Variants in SH3PXD2A observed in about 807,000 individuals in gnomAD.
SH3PXD2A encodes SH3 and PX domain-containing protein 2A.
SH3PXD2A carries 32 observed loss-of-function variants against 115.2 expected under a neutral mutation model. That is an observed-to-expected ratio of 0.28 (90% CI 0.21 to 0.37). The LOEUF (loss-of-function observed/expected upper bound fraction) is 0.37. Ranked by LOEUF, SH3PXD2A falls within the 10% of genes least tolerant of loss-of-function variation. The pLI is 1.00. For missense variants in SH3PXD2A, 1,328 were observed against 1,498.7 expected (o/e 0.89, Z 1.88); for synonymous variants, 610 against 629.1 (o/e 0.97, Z 0.45).
chr10:103,850,523 C>A (rs1413664571), intron 1 of SH3PXD2A, among the ~76,000 whole-genome samples: 2 of 152,202 alleles, frequency 1.3e-5, no homozygotes, highest in Non-Finnish European at 2.9e-5. Flanking sequence ...ATGTGTGGTG[C>A]TGACCTTGGG....
At chr10:103,742,021 C>T (rs112169230) in intron 3 of SH3PXD2A, among the ~76,000 whole-genome samples, 15,577 of 152,146 alleles carry the variant, frequency 0.1, 904 homozygotes, top group Non-Finnish European at 0.12. Context: ...TGGTGGCGCA[C>T]GCCTGTGATC....
In SH3PXD2A at chr10:103,603,023, G is replaced by T. The variant is rs751847787; in HGVS notation, c.2195C>A (p.Pro732His). ...SASDAGIRGT[P>H]KVRAKKDADA... ...AGCATCCTTCTTTGCCCTGACCTTG[G>T]GAGTGCCGCGGATGCCTGCGTCCGA... The change falls in exon 15 of 15, where the codon CCC (proline) becomes CAC (histidine). Residue 732 changes from proline to histidine, a missense_variant. By Grantham distance (77) the Pro-to-His change is moderately conservative. This residue lies in a region of SH3PXD2A where 574 missense variants were observed against 565.7 expected (regional missense o/e 1.01). Transcript: ENST00000369774. 11 of 1,614,022 alleles carry T rather than the reference G, an allele frequency of 6.8e-6. No individual in the cohort carries two copies. Among genetic ancestry groups the T allele is most frequent in the Non-Finnish European group, 9.3e-6 (11 of 1,180,066 alleles).
intron 3 of SH3PXD2A, among the ~76,000 whole-genome samples, chr10:103,742,151 CAA>C (rs1303120629): frequency 1.3e-5 from 2 of 152,134 alleles, no homozygotes; most frequent in African/African-American, 4.8e-5. Context: ...TGTCTCAAAT[CAA>C]ACAACAACCC....
At chr10:103,710,814 T>C (rs2038038305) in intron 5 of SH3PXD2A, among the ~76,000 whole-genome samples, 1 of 152,076 alleles carries the variant, frequency 6.6e-6, no homozygotes, top group Admixed American at 6.5e-5. Context: ...GGCAGGAGGA[T>C]GGCTTGAGTC....
intron 8 of SH3PXD2A, among the ~76,000 whole-genome samples, chr10:103,633,727 C>CAAAAAAAAAAA (rs35917262): frequency 1.2e-4 from 9 of 74,320 alleles, no homozygotes; most frequent in African/African-American, 4.2e-4. Context: ...GATTCTGTCT[C>CAAAAAAAAAAA]AAAAAAAAAA....
intron 8 of SH3PXD2A, among the ~76,000 whole-genome samples, chr10:103,660,356 C>T (rs1036314751): frequency 9.9e-5 from 15 of 152,196 alleles, no homozygotes; most frequent in Non-Finnish European, 1.9e-4. Context: ...CCAGCTGCCC[C>T]GGGCAGCTGT....
At chr10:103,676,028 A>G (rs1270748175) in intron 6 of SH3PXD2A, among the ~76,000 whole-genome samples, 1 of 151,886 alleles carries the variant, frequency 6.6e-6, no homozygotes, top group Admixed American at 6.6e-5. Flanking sequence ...AACAAGAGCG[A>G]AACTCCGTCT....
chr10:103,747,520 G>A (rs2038520091), intron 3 of SH3PXD2A, among the ~76,000 whole-genome samples: 1 of 152,172 alleles, frequency 6.6e-6, no homozygotes, highest in South Asian at 2.1e-4. Context: ...CCACAGTGTG[G>A]GGGGCTTGGC....
intron 3 of SH3PXD2A, chr10:103,755,109 T>G (rs972560962): frequency 1.3e-5 from 2 of 152,198 alleles, no homozygotes; most frequent in Non-Finnish European, 2.9e-5. Context: ...GACCACATTT[T>G]GAACAGCAAT....
In SH3PXD2A at chr10:103,756,669, G is replaced by C. The variant is rs950831712; in HGVS notation, c.229+10425C>G. Among the ~76,000 whole-genome samples, 4 of 152,158 alleles carry C rather than the reference G, an allele frequency of 2.6e-5. No individual in the cohort carries two copies. The highest frequency in any genetic ancestry group is 9.7e-5 in the African/African-American group (4 of 41,436). ...GGCAGGAGTGGGGAGTGGTGGTGAGGTGAAACACTCCTTCTGCCATCTTGG... is the reference window on the plus strand; with the variant it reads ...GGCAGGAGTGGGGAGTGGTGGTGAGCTGAAACACTCCTTCTGCCATCTTGG... On this transcript the variant is annotated intron_variant, in intron 3 of 14. Transcript: ENST00000369774. This position sits in a 1 kb window ranked among gnomAD's most constrained non-coding sequence, Gnocchi z 4.4.
rs1462860450 is a variant in SH3PXD2A, at chr10:103,596,778, A to C, written c.*5038T>G. On this transcript the variant is annotated 3_prime_UTR_variant, in exon 15 of 15. Coordinates refer to ENST00000369774, the MANE Select transcript of SH3PXD2A (RefSeq NM_001394015.1). The stretch of plus-strand genomic sequence containing the variant: ...CAGAGAGCTCTGCTTTGAGATTCTC[A>C]AAGACTAAATATCTAGATGGATATA... 6.6e-6 allele frequency: 1 copy of C among 152,574 alleles called. No homozygotes were observed. Among genetic ancestry groups the C allele is most frequent in the East Asian group, 1.9e-4 (1 of 5,198 alleles). The allele number at this position is 152,574 out of a possible 1,614,324, so 9.5% of individuals were successfully genotyped here.
At chr10:103,795,887 A>AGG in intron 2 of SH3PXD2A, among the ~76,000 whole-genome samples, 1 of 146,028 alleles carries the variant, frequency 6.8e-6, no homozygotes, top group Non-Finnish European at 1.5e-5. Flanking sequence ...GGAGAGAGGG[A>AGG]GAGAGGGAGG....
intron 1 of SH3PXD2A, among the ~76,000 whole-genome samples, chr10:103,833,803 C>G (rs534616780): frequency 7.9e-5 from 12 of 152,326 alleles, no homozygotes; most frequent in African/African-American, 2.4e-4. Context: ...TAGCTGCCCC[C>G]AAGAGAGAAG....
intron 3 of SH3PXD2A, chr10:103,754,160 G>A (rs2038612123): frequency 6.6e-6 from 1 of 152,168 alleles, no homozygotes; most frequent in South Asian, 2.1e-4. Context: ...ATATAGAAGA[G>A]CAAAATATGC....
chr10:103,753,280 G>C (rs1479937127), intron 3 of SH3PXD2A, among the ~76,000 whole-genome samples: 3 of 123,702 alleles, frequency 2.4e-5, no homozygotes, highest in Admixed American at 2.1e-4. Context: ...AAGAGTTTGA[G>C]ACCAGCCTGG....
At chr10:103,845,383 C>T (rs2134322982) in intron 1 of SH3PXD2A, among the ~76,000 whole-genome samples, 1 of 150,662 alleles carries the variant, frequency 6.6e-6, no homozygotes. Context: ...GGGAAAACAG[C>T]ATGCAGTAAA....
At chr10:103,673,213 C>T (rs2037486981) in intron 6 of SH3PXD2A, 1 of 151,816 alleles carries the variant, frequency 6.6e-6, no homozygotes, top group Non-Finnish European at 1.5e-5. Flanking sequence ...ACACGTCAAA[C>T]TTCTTCTTCC....
chr10:103,848,127 C>T (rs950583157), intron 1 of SH3PXD2A, among the ~76,000 whole-genome samples: 1 of 152,106 alleles, frequency 6.6e-6, no homozygotes, highest in African/African-American at 2.4e-5. Context: ...GGAAATTACT[C>T]CACCTGAAAC....
intron 1 of SH3PXD2A, among the ~76,000 whole-genome samples, chr10:103,819,403 C>T (rs553000016): frequency 1.3e-4 from 20 of 152,088 alleles, no homozygotes; most frequent in Admixed American, 2.6e-4. Context: ...GCAAAAGAAA[C>T]AGCATAAGCA....
Sources: allele counts gnomAD v4.1 joint callset (sites outside exome capture counted in the v4.1 genomes callset), GRCh38; gene constraint gnomAD v4.1.1; regional missense constraint gnomAD v4.1.1; non-coding constraint Gnocchi (gnomAD v3.1); transcripts MANE v1.5; gene names NCBI Gene and HGNC (gene_info 2026-07-23, HGNC 2026-07-21).